PCSK5: variants seen among roughly 807,000 people sequenced by gnomAD.
PCSK5 encodes proprotein convertase subtilisin/kexin type 5, also known as prohormone convertase 5.
In PCSK5, 129 loss-of-function variants were observed where a neutral mutation model predicts 233.2. The ratio of observed to expected loss-of-function variants is 0.55; its 90% CI spans 0.48 to 0.64. PCSK5 has a LOEUF of 0.64. Among genes scored for constraint, PCSK5 ranks in the 30% least tolerant of loss-of-function variants. PCSK5 has a pLI of 0.00. For missense variants in PCSK5, 2,076 were observed against 2,430.1 expected, an observed-to-expected ratio of 0.85 and a Z score of 3.06; for synonymous variants, 825 against 879.2, an observed-to-expected ratio of 0.94 and a Z score of 1.09.
chr9:76,289,614 CT>C (rs1249554263), intron 24 of PCSK5, among the ~76,000 whole-genome samples: 1 of 151,826 alleles, frequency 6.6e-6, no homozygotes, highest in Non-Finnish European at 1.5e-5. Context: ...GCCAAGCTGA[CT>C]TAGAGTCAAC....
At chr9:76,035,486 T>G (rs1298554992) in intron 5 of PCSK5, among the ~76,000 whole-genome samples, 1 of 152,164 alleles carries the variant, frequency 6.6e-6, no homozygotes, top group Non-Finnish European at 1.5e-5. Flanking sequence ...ATTTGGGGAC[T>G]TCAGTTTTGA....
At chr9:76,316,046 T>C (rs1006001598) in intron 30 of PCSK5, among the ~76,000 whole-genome samples, 2 of 151,860 alleles carry the variant, frequency 1.3e-5, no homozygotes, top group Non-Finnish European at 2.9e-5. Flanking sequence ...TTATTCGTGT[T>C]GCGTCTTTTT....
chr9:76,338,685 C>T (rs894071274), intron 35 of PCSK5, among the ~76,000 whole-genome samples: 12 of 152,136 alleles, frequency 7.9e-5, no homozygotes, highest in Admixed American at 7.2e-4. Context: ...GCATCATCTC[C>T]TTGAGGAAGT....
At chr9:76,317,159 G>A (rs531643792) in intron 30 of PCSK5, among the ~76,000 whole-genome samples, 2 of 152,212 alleles carry the variant, frequency 1.3e-5, no homozygotes, top group East Asian at 3.9e-4. Flanking sequence ...TCAGGAGTTT[G>A]AGACCAGCCT....
At chr9:76,230,573 A>G (rs1387078443) in intron 21 of PCSK5, among the ~76,000 whole-genome samples, 4 of 152,188 alleles carry the variant, frequency 2.6e-5, no homozygotes, top group East Asian at 1.9e-4. Flanking sequence ...TTCATGGCCT[A>G]TTAGGAGCTG....
chr9:75,964,681 A>G (rs1199587118), intron 2 of PCSK5, among the ~76,000 whole-genome samples: 2 of 152,236 alleles, frequency 1.3e-5, no homozygotes, highest in African/African-American at 4.8e-5. Flanking sequence ...ATGCCAATGT[A>G]TGACTAATAG....
At chr9:75,943,776 A>G (rs957278671) in intron 2 of PCSK5, among the ~76,000 whole-genome samples, 3 of 152,246 alleles carry the variant, frequency 2.0e-5, no homozygotes, top group African/African-American at 7.2e-5. Flanking sequence ...AGAAAAGATC[A>G]AAAGTGTAGG....
At chr9:76,326,313 G>C (rs2997538) in intron 32 of PCSK5, among the ~76,000 whole-genome samples, 1 of 152,030 alleles carries the variant, frequency 6.6e-6, no homozygotes, top group Admixed American at 6.6e-5. Flanking sequence ...TTTAGCCTGG[G>C]AGGTCAATGT....
At chr9:76,191,544 C>CTGAT (rs1463262590) in intron 20 of PCSK5, among the ~76,000 whole-genome samples, 3 of 152,188 alleles carry the variant, frequency 2.0e-5, no homozygotes, top group South Asian at 4.1e-4. Flanking sequence ...ATTGATAGCA[C>CTGAT]TGATAGGACA....
At chr9:76,167,456 T>G (rs1042369908) in intron 12 of PCSK5, among the ~76,000 whole-genome samples, 3 of 152,210 alleles carry the variant, frequency 2.0e-5, no homozygotes, top group Non-Finnish European at 2.9e-5. Context: ...ATAATTTTCA[T>G]TTTTCTGTCT....
At chr9:76,033,902 A>G (rs945122198) in intron 5 of PCSK5, among the ~76,000 whole-genome samples, 18 of 152,100 alleles carry the variant, frequency 1.2e-4, no homozygotes, top group African/African-American at 4.1e-4. Context: ...TAACACCAAC[A>G]TGTTAGGGAT....
chr9:76,183,673 G>T (rs1446526968), intron 16 of PCSK5, among the ~76,000 whole-genome samples: 1 of 152,230 alleles, frequency 6.6e-6, no homozygotes, highest in Admixed American at 6.5e-5. Flanking sequence ...TGTTAAGATT[G>T]TAAGGGGCTT....
chr9:75,906,126 G>A (rs527857191), intron 1 of PCSK5, among the ~76,000 whole-genome samples: 2 of 152,210 alleles, frequency 1.3e-5, no homozygotes, highest in Non-Finnish European at 2.9e-5. Flanking sequence ...TATGATAGGT[G>A]ATGTTGGAAA....
chr9:75,947,473 C>G (rs574599831), intron 2 of PCSK5, among the ~76,000 whole-genome samples: 1 of 151,840 alleles, frequency 6.6e-6, no homozygotes, highest in East Asian at 1.9e-4. Context: ...GTTGGCAAGC[C>G]TAGGCTGCCA....
intron 16 of PCSK5, 120 bp from the exon 17 acceptor site, chr9:76,184,553 C>T: frequency 1.8e-6 from 1 of 541,880 alleles, no homozygotes; most frequent in Non-Finnish European, 3.2e-6. Context: ...GCTTTTCCTG[C>T]AATTGTCTAG....
rs1360390244 is a variant in PCSK5, at chr9:76,025,388, T to TA, written c.555+1515dup. The stretch of plus-strand genomic sequence containing the variant: ...AGCAAGACCTCATCTCTAATAAAAG[T>TA]AAAAAAAATGAGGAGAGAGAGAGAG... On this transcript the variant is annotated intron_variant, in intron 4 of 37. Coordinates refer to ENST00000674117, the MANE Select transcript of PCSK5 (RefSeq NM_001372043.1). Among the ~76,000 whole-genome samples, 17 of 139,912 alleles carry TA rather than the reference T, an allele frequency of 1.2e-4. 1 individual carries two copies. The highest frequency in any genetic ancestry group is 9.0e-4 in the Admixed American group (13 of 14,446). 91.8% of individuals were successfully genotyped at this position (139,912 alleles called of 152,430 possible). A position where few individuals can be genotyped will look rare whatever the true frequency, so the allele number is the denominator to read the frequency against.
At chr9:76,247,639 T>A (rs1826658270) in intron 24 of PCSK5, among the ~76,000 whole-genome samples, 1 of 152,038 alleles carries the variant, frequency 6.6e-6, no homozygotes, top group Admixed American at 6.5e-5. Context: ...GGTAAGAAAA[T>A]GGTGAGATAA....
intron 36 of PCSK5, among the ~76,000 whole-genome samples, chr9:76,351,415 A>G (rs1830118242): frequency 8.4e-6 from 1 of 118,722 alleles, no homozygotes; most frequent in South Asian, 2.9e-4. Flanking sequence ...GGTTTCTACC[A>G]GAAACCGCCC....
At chr9:75,890,260 T>C (rs914568330), upstream of PCSK5, among the ~76,000 whole-genome samples, 19 of 152,364 alleles carry the variant, frequency 1.2e-4, no homozygotes, top group African/African-American at 4.3e-4. Context: ...TCTCGAGTTA[T>C]TTGTTCGGCA....
Sources: allele counts gnomAD v4.1 joint callset (sites outside exome capture counted in the v4.1 genomes callset), GRCh38; gene constraint gnomAD v4.1.1; transcripts MANE v1.5; gene names NCBI Gene and HGNC (gene_info 2026-07-23, HGNC 2026-07-21).